Variants in REDIC1 observed in about 807,000 individuals in gnomAD.
REDIC1 encodes the protein regulator of DNA class I crossover intermediates 1.
chr12:39,679,909 C>A, the REDIC1 span, among the ~76,000 whole-genome samples: 1 of 152,078 alleles, frequency 6.6e-6, no homozygotes, highest in African/African-American at 2.4e-5. Context: ...CCCTATTCAA[C>A]AAATGGTGCT....
chr12:39,715,274 G>T, the REDIC1 span, among the ~76,000 whole-genome samples: 2 of 151,848 alleles, frequency 1.3e-5, no homozygotes, highest in Non-Finnish European at 2.9e-5. Context: ...TCATTCTCCT[G>T]TATGTGGCTA....
the REDIC1 span, among the ~76,000 whole-genome samples, chr12:39,842,106 T>A: frequency 1.3e-5 from 2 of 152,084 alleles, no homozygotes; most frequent in African/African-American, 4.8e-5. Flanking sequence ...GTGGCAGAGC[T>A]GGGGTTCCAA....
the REDIC1 span, chr12:39,684,880 T>A: frequency 6.2e-7 from 1 of 1,611,438 alleles, no homozygotes; most frequent in Admixed American, 1.7e-5. Context: ...AAATATACCT[T>A]CGGAAGAATT....
At chr12:39,838,333 G>T in the REDIC1 span, among the ~76,000 whole-genome samples, 1 of 123,386 alleles carries the variant, frequency 8.1e-6, no homozygotes, top group South Asian at 2.8e-4. Context: ...ACACTCTGGG[G>T]ACTGTGGTGG....
chr12:39,641,356 T>C, the REDIC1 span, among the ~76,000 whole-genome samples: 1 of 151,978 alleles, frequency 6.6e-6, no homozygotes, highest in South Asian at 2.1e-4. Flanking sequence ...ATTACACTGA[T>C]TGCATTCCAT....
At chr12:39,644,153 T>A in the REDIC1 span, among the ~76,000 whole-genome samples, 2 of 151,842 alleles carry the variant, frequency 1.3e-5, no homozygotes, top group African/African-American at 4.8e-5. Context: ...TAGGTGTCAC[T>A]AAACTTATTA....
chr12:39,632,236 A>G, the REDIC1 span, among the ~76,000 whole-genome samples: 4 of 151,938 alleles, frequency 2.6e-5, no homozygotes, highest in African/African-American at 7.3e-5. Context: ...AGCTGGGATT[A>G]CAGGTACCCG....
the REDIC1 span, among the ~76,000 whole-genome samples, chr12:39,768,037 A>T: frequency 1.3e-5 from 2 of 152,094 alleles, no homozygotes. Flanking sequence ...TTTATTAGTT[A>T]TCTTAGGTAG....
At chr12:39,782,451 G>A in the REDIC1 span, among the ~76,000 whole-genome samples, 145,183 of 152,170 alleles carry the variant, frequency 0.95, 69,305 homozygotes, top group East Asian at 1. Flanking sequence ...TTCTCTTGCC[G>A]CCACCACGTA....
At chr12:39,857,886 A>G in the REDIC1 span, among the ~76,000 whole-genome samples, 1 of 152,148 alleles carries the variant, frequency 6.6e-6, no homozygotes, top group African/African-American at 2.4e-5. Context: ...CTTTTCCTTC[A>G]TCTTTGCAAA....
the REDIC1 span, among the ~76,000 whole-genome samples, chr12:39,732,951 C>A: frequency 3.9e-5 from 6 of 152,016 alleles, no homozygotes; most frequent in Admixed American, 1.3e-4. Context: ...CAGACCATTT[C>A]TCCAAGAAGT....
At chr12:39,720,824 A>C in the REDIC1 span, 1 of 1,611,936 alleles carries the variant, frequency 6.2e-7, no homozygotes, top group Non-Finnish European at 8.5e-7. Context: ...CAGCAAATTG[A>C]AGATTCAAAT....
the REDIC1 span, among the ~76,000 whole-genome samples, chr12:39,704,731 A>G: frequency 6.6e-6 from 1 of 152,250 alleles, no homozygotes; most frequent in Admixed American, 6.5e-5. Flanking sequence ...AGCATGGAAT[A>G]CTATGCAGCC....
At chr12:39,814,719 C>T in the REDIC1 span, among the ~76,000 whole-genome samples, 1 of 152,186 alleles carries the variant, frequency 6.6e-6, no homozygotes, top group Non-Finnish European at 1.5e-5. Context: ...CCCTGCCTAT[C>T]CTTCAAGGCC....
the REDIC1 span, among the ~76,000 whole-genome samples, chr12:39,741,661 G>C: frequency 3.3e-5 from 5 of 152,202 alleles, no homozygotes; most frequent in Non-Finnish European, 7.4e-5. Context: ...GGAGGCAGGA[G>C]TTACAGGTAA....
the REDIC1 span, chr12:39,692,000 A>C: frequency 3.4e-6 from 5 of 1,458,504 alleles, no homozygotes; most frequent in Non-Finnish European, 4.6e-6. Context: ...ATATAAGTGA[A>C]TATTATTATG....
the REDIC1 span, among the ~76,000 whole-genome samples, chr12:39,888,105 T>C: frequency 5.9e-5 from 9 of 152,372 alleles, no homozygotes; most frequent in South Asian, 1.9e-3. Context: ...ATCCATGTGC[T>C]TCTGGAGAAG....
At chr12:39,646,294 A>G in the REDIC1 span, 1 of 688,012 alleles carries the variant, frequency 1.5e-6, no homozygotes, top group Non-Finnish European at 2.1e-6. Flanking sequence ...TTTTATTCTT[A>G]TTTTAAAATT....
the REDIC1 span, among the ~76,000 whole-genome samples, chr12:39,783,786 T>C: frequency 4.6e-5 from 7 of 152,198 alleles, no homozygotes; most frequent in African/African-American, 1.7e-4. Context: ...AGTCAAATGG[T>C]CCCTGTTTGC....
Sources: gnomAD v4.1 joint callset for allele counts (sites outside exome capture counted in the v4.1 genomes callset) on GRCh38, gnomAD v4.1.1 for gene constraint, MANE v1.5 for transcripts, NCBI Gene and HGNC (gene_info 2026-07-23, HGNC 2026-07-21) for gene names.